Variants in ATRNL1 observed in about 807,000 individuals in gnomAD.
ATRNL1 encodes the protein attractin like 1.
In ATRNL1, 95 loss-of-function variants were observed where a neutral mutation model predicts 182.7. The ratio of observed to expected loss-of-function variants is 0.52; its 90% CI spans 0.44 to 0.62. The LOEUF (loss-of-function observed/expected upper bound fraction) is 0.62, where lower values mean the gene tolerates loss of function less well. Among genes scored for constraint, ATRNL1 ranks in the 20% least tolerant of loss-of-function variants. ATRNL1 has a pLI of 0.00. For synonymous variants in ATRNL1, 576 were observed against 568.3 expected, an observed-to-expected ratio of 1.01 and a Z score of -0.19; for missense variants, 1,471 against 1,679.5, an observed-to-expected ratio of 0.88 and a Z score of 2.17.
intron 27 of ATRNL1, among the ~76,000 whole-genome samples, chr10:115,761,156 A>T (rs1948726360): frequency 6.6e-6 from 1 of 152,234 alleles, no homozygotes; most frequent in Admixed American, 6.5e-5. Context: ...TGAAAATAAT[A>T]GCAAAAGGCT....
chr10:115,462,018 A>C lies in ATRNL1; in HGVS notation c.3400A>C (p.Ile1134Leu). Reference protein sequence around the residue: ...DDRHHTAINFIANPEQSNKNL... With the variant: ...DDRHHTAINFLANPEQSNKNL... ...TCGCCACCATACTGCCATAAACTTT[A>C]TAGCAAACCCAGAACAGGTGAGGAA... The change falls in exon 22 of 29, where the codon ATA (isoleucine) becomes CTA (leucine). Residue 1134 changes from isoleucine to leucine, a missense_variant. By Grantham distance (5) the Ile-to-Leu change is conservative (BLOSUM62 2). Transcript: ENST00000355044. 6.2e-7 allele frequency: 1 copy of C among 1,608,688 alleles called. No individual in the cohort carries two copies. The highest frequency in any genetic ancestry group is 1.1e-5 in the South Asian group (1 of 90,544).
At position 115,389,576 on chromosome 10, in the gene ATRNL1, ATATATATATATATATT is replaced by A. The variant is rs1564990234; in HGVS notation, c.3176-5081_3176-5066del. Among the ~76,000 whole-genome samples the A allele has an allele frequency of 6.3e-4, 70 of 111,904 alleles. 1 individual carries two copies. Among genetic ancestry groups the A allele is most frequent in the African/African-American group, 2.1e-3 (65 of 30,600 alleles). 73.4% of individuals were successfully genotyped at this position (111,904 alleles called of 152,430 possible). On this transcript the variant is annotated intron_variant, in intron 19 of 28. Transcript: ENST00000355044. ...TATATATATATATATATATATATAT[ATATATATATATATATT>A]TCATCCAATGATGGACACCTAGGTT...
At chr10:115,605,498 AC>A (rs143125944) in intron 26 of ATRNL1, among the ~76,000 whole-genome samples, 1,655 of 151,924 alleles carry the variant, frequency 0.011, 29 homozygotes, top group African/African-American at 0.038. Flanking sequence ...TATACATATG[AC>A]CCCTAACTTA....
At chr10:115,735,973 C>G (rs1368157421) in intron 27 of ATRNL1, among the ~76,000 whole-genome samples, 3 of 152,182 alleles carry the variant, frequency 2.0e-5, no homozygotes, top group African/African-American at 7.2e-5. Flanking sequence ...TCCAAAATCC[C>G]TGTGTTTGGT....
intron 19 of ATRNL1, among the ~76,000 whole-genome samples, chr10:115,368,449 G>T (rs915349174): frequency 1.3e-5 from 2 of 152,164 alleles, no homozygotes; most frequent in East Asian, 1.9e-4. Flanking sequence ...GATGAACCCA[G>T]TACCTCAGAT....
At chr10:115,837,707 G>A (rs1950711232) in intron 27 of ATRNL1, among the ~76,000 whole-genome samples, 1 of 152,068 alleles carries the variant, frequency 6.6e-6, no homozygotes, top group South Asian at 2.1e-4. Flanking sequence ...GTTTGAACTT[G>A]GAACTCAGTT....
In ATRNL1 at chr10:115,093,559, C is replaced by T; in HGVS notation, c.-192C>T. 2 of 707,808 alleles carry T rather than the reference C, an allele frequency of 2.8e-6. No individual in the cohort carries two copies. Among genetic ancestry groups the T allele is most frequent in the South Asian group, 1.5e-5 (1 of 66,704 alleles). 43.8% of individuals were successfully genotyped at this position (707,808 alleles called of 1,614,324 possible). A position where few individuals can be genotyped will look rare whatever the true frequency, so the allele number is the denominator to read the frequency against. ...ACTGGGTGGCGATGCCCGAGTGCGACTGGAGGCAGCCGAGCGGAGGCGACG... is the reference window on the plus strand; with the variant it reads ...ACTGGGTGGCGATGCCCGAGTGCGATTGGAGGCAGCCGAGCGGAGGCGACG... On this transcript the variant is annotated 5_prime_UTR_variant, in exon 1 of 29. Transcript: ENST00000355044. The surrounding 1 kb of genome is among the most constrained non-coding windows in gnomAD (Gnocchi z 6.1).
rs1850799710 is a variant in ATRNL1, at chr10:115,519,342, C to T, written c.3716+18C>T. 1 of 1,605,052 alleles carries T rather than the reference C, an allele frequency of 6.2e-7. No homozygotes were observed. The highest frequency in any genetic ancestry group is 1.7e-5 in the Admixed American group (1 of 59,552). On this transcript the variant is annotated intron_variant, in intron 25 of 28. Transcript: ENST00000355044. The stretch of plus-strand genomic sequence containing the variant: ...TTCTTCAGGTAAAAGTTTGCTTTGA[C>T]TGACTTTGAACTTTTCAAGCCTGTA...
At chr10:115,834,952 C>G (rs1022571229) in intron 27 of ATRNL1, among the ~76,000 whole-genome samples, 2 of 152,134 alleles carry the variant, frequency 1.3e-5, no homozygotes, top group African/African-American at 2.4e-5. Context: ...CTTGCTAATA[C>G]TTGGAACATG....
chr10:115,637,915 G>A (rs1555028796), intron 26 of ATRNL1, among the ~76,000 whole-genome samples: 2 of 151,908 alleles, frequency 1.3e-5, no homozygotes, highest in Non-Finnish European at 2.9e-5. Flanking sequence ...GAGCCACCGC[G>A]CCCGGCTATT....
chr10:115,910,869 A>G (rs1197971188), intron 28 of ATRNL1, among the ~76,000 whole-genome samples: 1 of 152,212 alleles, frequency 6.6e-6, no homozygotes, highest in Non-Finnish European at 1.5e-5. Flanking sequence ...GTAAATAACT[A>G]CAGCAAAACT....
chr10:115,383,661 G>A (rs1237106968), intron 19 of ATRNL1, among the ~76,000 whole-genome samples: 3 of 151,878 alleles, frequency 2.0e-5, no homozygotes, highest in Non-Finnish European at 2.9e-5. Context: ...CATACTTGGT[G>A]CTGCTTCCAA....
At chr10:115,500,353 T>G (rs547921288) in intron 24 of ATRNL1, among the ~76,000 whole-genome samples, 1 of 152,250 alleles carries the variant, frequency 6.6e-6, no homozygotes, top group Admixed American at 6.5e-5. Flanking sequence ...CAAGAAAAAT[T>G]AGAATTTGGT....
intron 27 of ATRNL1, among the ~76,000 whole-genome samples, chr10:115,729,709 A>G (rs1207976041): frequency 6.6e-6 from 1 of 152,092 alleles, no homozygotes; most frequent in Non-Finnish European, 1.5e-5. Flanking sequence ...TTATTAAAAC[A>G]TATTCCTCCA....
intron 8 of ATRNL1, among the ~76,000 whole-genome samples, chr10:115,177,410 A>G (rs1847556206): frequency 6.6e-6 from 1 of 152,160 alleles, no homozygotes; most frequent in Admixed American, 6.6e-5. Context: ...GATCCTTTTT[A>G]GCTTGGATTT....
At chr10:115,811,786 A>T (rs1257378161) in intron 27 of ATRNL1, among the ~76,000 whole-genome samples, 3 of 151,942 alleles carry the variant, frequency 2.0e-5, no homozygotes, top group African/African-American at 7.2e-5. Context: ...TGTGCCTTTA[A>T]TATAGCCACT....
Position 115,681,891 on chromosome 10 carries a change from G to A in ATRNL1, c.3796-45357G>A, listed in dbSNP as rs7072224. 9.0e-3 allele frequency among the ~76,000 whole-genome samples: 1,367 copies of A among 152,262 alleles called. 22 individuals are homozygous for A. Among genetic ancestry groups the A allele is most frequent in the African/African-American group, 0.031 (1,292 of 41,558 alleles). ...CTGTGTAAGGAGAAAGGTGACATGT[G>A]AAAGAAATATAGGTAATTTTTTCTG... On this transcript the variant is annotated intron_variant, in intron 26 of 28. Coordinates refer to ENST00000355044, the MANE Select transcript of ATRNL1 (RefSeq NM_207303.4).
intron 26 of ATRNL1, among the ~76,000 whole-genome samples, chr10:115,703,824 G>T (rs73377564): frequency 0.03 from 4,584 of 151,876 alleles, 227 homozygotes; most frequent in African/African-American, 0.1. Context: ...AAAATTTACT[G>T]TGGAGCTTTC....
intron 26 of ATRNL1, among the ~76,000 whole-genome samples, chr10:115,634,478 A>G (rs1013947375): frequency 3.9e-5 from 6 of 152,158 alleles, no homozygotes; most frequent in African/African-American, 1.2e-4. Context: ...AGTTTAATTG[A>G]CCACCAGACA....
Sources: allele counts gnomAD v4.1 joint callset (sites outside exome capture counted in the v4.1 genomes callset), GRCh38; gene constraint gnomAD v4.1.1; non-coding constraint Gnocchi (gnomAD v3.1); transcripts MANE v1.5; gene names NCBI Gene and HGNC (gene_info 2026-07-23, HGNC 2026-07-21).